The following ADAM23 variants were observed in gnomAD, a reference collection of about 807,000 sequenced individuals.
The protein encoded by ADAM23 is disintegrin and metalloproteinase domain-containing protein 23.
ADAM23 carries 33 observed loss-of-function variants against 120.1 expected under a neutral mutation model. The observed-to-expected ratio is 0.27, with a 90% CI of 0.21 to 0.37. ADAM23 has a LOEUF of 0.37. Among genes scored for constraint, ADAM23 ranks in the 10% least tolerant of loss-of-function variants. The probability of loss-of-function intolerance (pLI) is 1.00; values close to 1 mark genes in which losing one functional copy is unlikely to be tolerated. For missense variants in ADAM23, 862 were observed against 1,058.2 expected (o/e 0.81, Z 2.57); for synonymous variants, 367 against 375.2 (o/e 0.98, Z 0.25).
At chr2:206,551,199 T>C (rs1332546807) in intron 9 of ADAM23, among the ~76,000 whole-genome samples, 1 of 152,174 alleles carries the variant, frequency 6.6e-6, no homozygotes, top group Non-Finnish European at 1.5e-5. Context: ...TGATTTATAA[T>C]GTTTGCTGAT....
intron 3 of ADAM23, among the ~76,000 whole-genome samples, chr2:206,499,921 C>T (rs1696352398): frequency 6.6e-6 from 1 of 152,110 alleles, no homozygotes; most frequent in African/African-American, 2.4e-5. Context: ...ACAAGGTTTT[C>T]AGGTTGGCGG....
At chr2:206,600,186 A>G (rs995841666) in intron 24 of ADAM23, among the ~76,000 whole-genome samples, 4 of 152,152 alleles carry the variant, frequency 2.6e-5, no homozygotes, top group African/African-American at 4.8e-5. Context: ...TGGGCAACAG[A>G]GTGAGACACT....
chr2:206,619,057 AAT>A lies in ADAM23; in HGVS notation c.*1437_*1438del, dbSNP rs1698992064. 6.6e-6 allele frequency: 1 copy of A among 152,178 alleles called. No homozygotes were observed. Among genetic ancestry groups the A allele is most frequent in the African/African-American group, 2.4e-5 (1 of 41,442 alleles). 9.4% of individuals were successfully genotyped at this position (152,178 alleles called of 1,614,324 possible). ...ATCCATGCTCATTTTCCTGCCTCAA[AAT>A]ATATATGGTAGAACCCTATTGGAAA... On this transcript the variant is annotated 3_prime_UTR_variant, in exon 26 of 26. Transcript: ENST00000264377.
intron 3 of ADAM23, among the ~76,000 whole-genome samples, chr2:206,528,444 G>T (rs1041406400): frequency 6.6e-6 from 1 of 152,156 alleles, no homozygotes; most frequent in African/African-American, 2.4e-5. Flanking sequence ...TACACATTTG[G>T]TTTGTGATTT....
At chr2:206,568,778 T>C (rs1468947289) in intron 15 of ADAM23, among the ~76,000 whole-genome samples, 2 of 152,254 alleles carry the variant, frequency 1.3e-5, no homozygotes, top group African/African-American at 4.8e-5. Flanking sequence ...TTTAATACTT[T>C]GCAAACTGAG....
At position 206,536,226 on chromosome 2, in the gene ADAM23, T is replaced by C. The variant is rs181729616; in HGVS notation, c.573+5278T>C. Reference sequence around the variant, plus strand: ...AATGCTATTCCATTGCGTGTGTGTTTGTGTGTGTGTGTGTGTTGAAATAAG... The same window carrying C: ...AATGCTATTCCATTGCGTGTGTGTTCGTGTGTGTGTGTGTGTTGAAATAAG... On this transcript the variant is annotated intron_variant, in intron 4 of 25. Transcript: ENST00000264377. Among the ~76,000 whole-genome samples, 201 of 127,688 alleles carry C rather than the reference T, an allele frequency of 1.6e-3. 2 individuals carry two copies. The highest frequency in any genetic ancestry group is 5.2e-3 in the African/African-American group (191 of 36,516). The allele number at this position is 127,688 out of a possible 152,430, so 83.8% of individuals were successfully genotyped here. A position where few individuals can be genotyped will look rare whatever the true frequency, so the allele number is the denominator to read the frequency against.
chr2:206,614,617 A>G (rs1360689963), intron 25 of ADAM23, among the ~76,000 whole-genome samples: 1 of 151,618 alleles, frequency 6.6e-6, no homozygotes, highest in Non-Finnish European at 1.5e-5. Context: ...GCGCCATTGC[A>G]CTCCAGCCTG....
chr2:206,528,702 T>C (rs1334075765), intron 3 of ADAM23, among the ~76,000 whole-genome samples: 6 of 152,108 alleles, frequency 3.9e-5, no homozygotes, highest in Non-Finnish European at 8.8e-5. Flanking sequence ...AGTGTCACGG[T>C]TTCCTAACAA....
chr2:206,620,110 G>C lies in ADAM23; in HGVS notation c.*2483G>C, dbSNP rs1699026958. On this transcript the variant is annotated 3_prime_UTR_variant, in exon 26 of 26. Coordinates refer to ENST00000264377, the MANE Select transcript of ADAM23 (RefSeq NM_003812.4). ...CCATACACATTTCACTAAGATTCCA[G>C]AGCCACCTTGGTGACATAACAGAAA... The C allele has an allele frequency of 6.6e-6, 1 of 152,186 alleles. No homozygotes were observed. Among genetic ancestry groups the C allele is most frequent in the Non-Finnish European group, 1.5e-5 (1 of 68,042 alleles). 9.4% of individuals were successfully genotyped at this position (152,186 alleles called of 1,614,324 possible). A position where few individuals can be genotyped will look rare whatever the true frequency, so the allele number is the denominator to read the frequency against.
chr2:206,602,900 A>G (rs1698665992), intron 24 of ADAM23, among the ~76,000 whole-genome samples: 1 of 152,202 alleles, frequency 6.6e-6, no homozygotes, highest in South Asian at 2.1e-4. Flanking sequence ...AAGCAAGTAA[A>G]CAAAAATGAA....
chr2:206,507,160 A>G (rs985072918), intron 3 of ADAM23, among the ~76,000 whole-genome samples: 3 of 152,174 alleles, frequency 2.0e-5, no homozygotes, highest in South Asian at 2.1e-4. Context: ...TGATAAAACT[A>G]TGACATCCCA....
chr2:206,507,058 A>T (rs1696510953), intron 3 of ADAM23, among the ~76,000 whole-genome samples: 2 of 152,232 alleles, frequency 1.3e-5, no homozygotes, highest in Non-Finnish European at 2.9e-5. Flanking sequence ...ACATCTATTT[A>T]AGGACTCTTG....
Position 206,583,427 on chromosome 2 carries a change from C to T in ADAM23, c.1738-3898C>T, listed in dbSNP as rs1698259341. 2.0e-5 allele frequency among the ~76,000 whole-genome samples: 3 copies of T among 149,680 alleles called. No homozygotes were observed. In the South Asian group the frequency reaches 6.3e-4, roughly 32 times the overall value. On this transcript the variant is annotated intron_variant, in intron 18 of 25. Transcript: ENST00000264377. ...CGAGATAGTGCCACTGCACTCTGGC[C>T]TGGGCGAAAGAGCGAGACTCCGTCT...
At chr2:206,587,998 T>G (rs1039307287) in intron 19 of ADAM23, 93 bp from the exon 20 acceptor site, 48 of 1,341,964 alleles carry the variant, frequency 3.6e-5, no homozygotes, top group East Asian at 3.2e-4. Context: ...TGAAAAAACT[T>G]TATCCAAGTG....
chr2:206,512,094 G>A (rs1696635114), intron 3 of ADAM23, among the ~76,000 whole-genome samples: 1 of 152,136 alleles, frequency 6.6e-6, no homozygotes, highest in African/African-American at 2.4e-5. Flanking sequence ...TGACATATGT[G>A]GTGAAATGTA....
intron 2 of ADAM23, among the ~76,000 whole-genome samples, chr2:206,451,723 G>T (rs747741992): frequency 1.2e-4 from 18 of 152,338 alleles, no homozygotes; most frequent in South Asian, 2.1e-4. Context: ...CAGAGCTCAT[G>T]CTGAAGAGAG....
At chr2:206,595,683 A>G (rs990691854) in intron 23 of ADAM23, among the ~76,000 whole-genome samples, 91 of 152,214 alleles carry the variant, frequency 6.0e-4, no homozygotes, top group African/African-American at 2.1e-3. Flanking sequence ...TCCTAGAAAC[A>G]GTTACTTCTG....
chr2:206,571,509 C>A (rs1031426590), intron 16 of ADAM23, among the ~76,000 whole-genome samples: 1 of 152,022 alleles, frequency 6.6e-6, no homozygotes, highest in Non-Finnish European at 1.5e-5. Context: ...ATAAAGCTTT[C>A]TATTTGCTAT....
At chr2:206,577,802 G>A (rs931486445) in intron 18 of ADAM23, among the ~76,000 whole-genome samples, 2 of 150,392 alleles carry the variant, frequency 1.3e-5, no homozygotes, top group Non-Finnish European at 3.0e-5. Flanking sequence ...TTGGTCAAAT[G>A]GTATTTCTAG....
Sources: gnomAD v4.1 joint callset for allele counts (sites outside exome capture counted in the v4.1 genomes callset) on GRCh38, gnomAD v4.1.1 for gene constraint, MANE v1.5 for transcripts, NCBI Gene and HGNC (gene_info 2026-07-23, HGNC 2026-07-21) for gene names.